FGGY: variants seen among roughly 807,000 people sequenced by gnomAD.
FGGY encodes the protein FGGY carbohydrate kinase domain containing, also known as FGGY carbohydrate kinase domain-containing protein.
FGGY carries 72 observed loss-of-function variants against 71.3 expected under a neutral mutation model. The observed-to-expected ratio is 1.01, with a 90% CI of 0.84 to 1.23. The LOEUF (loss-of-function observed/expected upper bound fraction) is 1.23, where lower values mean the gene tolerates loss of function less well. FGGY is among the 50% of genes most tolerant of loss of function. FGGY has a pLI of 0.00. For synonymous variants in FGGY, 251 were observed against 250.3 expected (o/e 1.00, Z -0.02); for missense variants, 668 against 682.3 (o/e 0.98, Z 0.23).
At chr1:59,403,840 T>C (rs1046757404) in intron 5 of FGGY, among the ~76,000 whole-genome samples, 1 of 152,232 alleles carries the variant, frequency 6.6e-6, no homozygotes, top group African/African-American at 2.4e-5. Flanking sequence ...TTCACACCTC[T>C]GTGATCTTGG....
chr1:59,410,536 G>A (rs561409161), intron 5 of FGGY, among the ~76,000 whole-genome samples: 1 of 152,196 alleles, frequency 6.6e-6, no homozygotes, highest in Admixed American at 6.5e-5. Context: ...AACTATAATT[G>A]GTCTGTAAGA....
At chr1:59,715,712 C>T (rs1464269515) in intron 14 of FGGY, among the ~76,000 whole-genome samples, 3 of 152,202 alleles carry the variant, frequency 2.0e-5, no homozygotes, top group East Asian at 1.9e-4. Context: ...ATATACACAA[C>T]AGCCAACATT....
At chr1:59,525,740 T>C (rs966563297) in intron 7 of FGGY, among the ~76,000 whole-genome samples, 1 of 152,210 alleles carries the variant, frequency 6.6e-6, no homozygotes, top group African/African-American at 2.4e-5. Flanking sequence ...CCTTCTCTTA[T>C]AGAGCTTCTA....
At chr1:59,707,795 A>G (rs2154024573) in intron 14 of FGGY, among the ~76,000 whole-genome samples, 1 of 152,328 alleles carries the variant, frequency 6.6e-6, no homozygotes, top group South Asian at 2.1e-4. Context: ...TGGACTCTTG[A>G]CAAATGGCTT....
intron 2 of FGGY, among the ~76,000 whole-genome samples, chr1:59,338,660 CCT>C (rs1273554785): frequency 6.6e-6 from 1 of 151,994 alleles, no homozygotes; most frequent in East Asian, 1.9e-4. Flanking sequence ...CCAGCAGTTG[CCT>C]CTCTACCTCT....
intron 4 of FGGY, among the ~76,000 whole-genome samples, chr1:59,376,693 C>T (rs371844070): frequency 1.9e-4 from 29 of 152,214 alleles, no homozygotes; most frequent in Admixed American, 4.6e-4. Flanking sequence ...TGTTACCCTG[C>T]GGCAGGTACT....
chr1:59,325,375 C>CAACAACAACAAA lies in FGGY; in HGVS notation c.201+3630_201+3641dup, dbSNP rs1553142278. On this transcript the variant is annotated intron_variant, in intron 2 of 15. Transcript: ENST00000303721. ...CCGTGTCCAACAACAGCAACAACAACAACAACAACAAAAACAGTAAGCTTA... is the reference window on the plus strand; with the variant it reads ...CCGTGTCCAACAACAGCAACAACAACAACAACAACAAAAACAACAACAAAAACAGTAAGCTTA... 7.8e-4 allele frequency among the ~76,000 whole-genome samples: 118 copies of CAACAACAACAAA among 152,096 alleles called. 3 individuals carry two copies. Among genetic ancestry groups the CAACAACAACAAA allele is most frequent in the Non-Finnish European group, 1.3e-4 (9 of 67,982 alleles).
intron 8 of FGGY, among the ~76,000 whole-genome samples, chr1:59,561,672 A>G (rs147738250): frequency 3.3e-5 from 5 of 152,344 alleles, no homozygotes; most frequent in East Asian, 3.9e-4. Context: ...TAGCTCAACA[A>G]TCCTACCAAG....
intron 14 of FGGY, among the ~76,000 whole-genome samples, chr1:59,726,943 T>G (rs1012010185): frequency 6.6e-6 from 1 of 152,196 alleles, no homozygotes; most frequent in South Asian, 2.1e-4. Context: ...GTTTGTTACA[T>G]AGGTATATTG....
chr1:59,669,439 C>T (rs2097355991), intron 13 of FGGY, among the ~76,000 whole-genome samples: 1 of 151,826 alleles, frequency 6.6e-6, no homozygotes, highest in Non-Finnish European at 1.5e-5. Flanking sequence ...TATAATTGTC[C>T]TCAGGAGAAA....
In FGGY at chr1:59,449,113, C is replaced by G. The variant is rs144294144; in HGVS notation, c.555-7848C>G. On this transcript the variant is annotated intron_variant, in intron 5 of 15. Coordinates refer to ENST00000303721, the MANE Select transcript of FGGY (RefSeq NM_018291.5). ...GAAAAGATCTAATTTTAGCTGAGTT[C>G]GAGTTGCCTTTCTAAAAATTATGAT... is the stretch of plus-strand genomic sequence containing the variant. 8.0e-4 allele frequency among the ~76,000 whole-genome samples: 122 copies of G among 152,274 alleles called. 2 individuals are homozygous for G. The highest frequency in any genetic ancestry group is 2.7e-3 in the African/African-American group (111 of 41,550).
intron 10 of FGGY, among the ~76,000 whole-genome samples, chr1:59,633,200 C>T (rs983792143): frequency 4.7e-4 from 71 of 151,942 alleles, no homozygotes; most frequent in African/African-American, 1.6e-3. Context: ...TTAGTAGAGA[C>T]GGGGTTTCAC....
At chr1:59,672,930 G>T (rs997698217) in intron 13 of FGGY, among the ~76,000 whole-genome samples, 1 of 152,118 alleles carries the variant, frequency 6.6e-6, no homozygotes, top group African/African-American at 2.4e-5. Flanking sequence ...CTGGGCATTG[G>T]CATATGGAGG....
intron 6 of FGGY, among the ~76,000 whole-genome samples, chr1:59,496,745 A>T (rs1489091061): frequency 6.6e-6 from 1 of 152,168 alleles, no homozygotes; most frequent in Non-Finnish European, 1.5e-5. Flanking sequence ...TAGATTGATT[A>T]AAAAAATGTC....
intron 5 of FGGY, among the ~76,000 whole-genome samples, chr1:59,379,174 C>A (rs949272449): frequency 5.3e-5 from 8 of 151,836 alleles, no homozygotes; most frequent in African/African-American, 1.7e-4. Context: ...CACACACACA[C>A]ACACACACAC....
Position 59,738,255 on chromosome 1 carries a change from A to G in FGGY, c.1513-19676A>G, listed in dbSNP as rs573566014. On this transcript the variant is annotated intron_variant, in intron 14 of 15. Transcript: ENST00000303721. ...GGGTAAGGATTGTCTGAAGAGATCTATGCTGGTGAGATTACAAAAATCATA... is the reference window on the plus strand; with the variant it reads ...GGGTAAGGATTGTCTGAAGAGATCTGTGCTGGTGAGATTACAAAAATCATA... Among the ~76,000 whole-genome samples, 4 of 152,354 alleles carry G rather than the reference A, an allele frequency of 2.6e-5. No homozygotes were observed. In the South Asian group the frequency reaches 6.2e-4, roughly 24 times the overall value.
chr1:59,592,001 C>A (rs1400309761), intron 8 of FGGY, among the ~76,000 whole-genome samples: 1 of 152,126 alleles, frequency 6.6e-6, no homozygotes, highest in Admixed American at 6.6e-5. Context: ...ACTGAACAGG[C>A]AACCTACAAA....
chr1:59,383,271 A>G (rs1264324653), intron 5 of FGGY, among the ~76,000 whole-genome samples: 5 of 152,166 alleles, frequency 3.3e-5, no homozygotes, highest in Non-Finnish European at 7.3e-5. Context: ...GGGAATTTGT[A>G]TGTTAACAAG....
intron 5 of FGGY, among the ~76,000 whole-genome samples, chr1:59,425,825 A>G (rs1376519276): frequency 6.6e-6 from 1 of 151,474 alleles, no homozygotes; most frequent in Non-Finnish European, 1.5e-5. Context: ...GGCTCTTTTC[A>G]TTTTTCAGAA....
Sources: allele counts gnomAD v4.1 joint callset (sites outside exome capture counted in the v4.1 genomes callset), GRCh38; gene constraint gnomAD v4.1.1; transcripts MANE v1.5; gene names NCBI Gene and HGNC (gene_info 2026-07-23, HGNC 2026-07-21).